PMEL: variants seen among roughly 807,000 people sequenced by gnomAD.
PMEL encodes the protein melanocyte protein PMEL.
In PMEL, 53 loss-of-function variants were observed where a neutral mutation model predicts 64.9. The ratio of observed to expected loss-of-function variants is 0.82; its 90% CI spans 0.66 to 1.03. The LOEUF is 1.03. Ranked by LOEUF, PMEL falls within the 50% of genes least tolerant of loss-of-function variation. The pLI, the probability that PMEL is intolerant of heterozygous loss-of-function variation, is 0.00. For missense variants in PMEL, 716 were observed against 814.9 expected (o/e 0.88, Z 1.48); for synonymous variants, 299 against 316.2 (o/e 0.95, Z 0.58).
chr12:55,954,428 A>G, intron 10 of PMEL, 79 bp from the exon 11 acceptor site: 2 of 1,455,080 alleles, frequency 1.4e-6, no homozygotes, highest in Non-Finnish European at 1.9e-6. Flanking sequence ...AAGGGAACAC[A>G]CCCATATCCC....
intron 1 of PMEL, 99 bp downstream of exon 1, chr12:55,965,837 G>T: frequency 6.9e-7 from 1 of 1,445,974 alleles, no homozygotes; most frequent in Non-Finnish European, 9.7e-7. Flanking sequence ...GGAGACGCCT[G>T]AAATATTGCC....
Position 55,962,669 on chromosome 12 carries a change from AC to A in PMEL, c.77-938del, listed in dbSNP as rs981955984. On this transcript the variant is annotated intron_variant, in intron 1 of 10. Coordinates refer to ENST00000548747, the MANE Select transcript of PMEL (RefSeq NM_001384361.1). ...CTCCCAAGTAGCTGGGACTACAGGC[AC>A]CCACCACCACACCCAACTAATTTTT... Among the ~76,000 whole-genome samples, 34 of 150,212 alleles carry A rather than the reference AC, an allele frequency of 2.3e-4. 1 individual carries two copies. Among genetic ancestry groups the A allele is most frequent in the Non-Finnish European group, 3.4e-4 (23 of 67,566 alleles).
At chr12:55,954,504 T>C (rs1252948541) in intron 10 of PMEL, among the ~76,000 whole-genome samples, 155 bp from the exon 11 acceptor site, 1 of 152,194 alleles carries the variant, frequency 6.6e-6, no homozygotes, top group Non-Finnish European at 1.5e-5. Context: ...CCCTCTCTTA[T>C]TTCTGTGGTA....
upstream of PMEL, chr12:55,966,493 G>T: frequency 4.4e-6 from 1 of 227,520 alleles, no homozygotes; most frequent in Non-Finnish European, 7.8e-6. Flanking sequence ...GGGCCAGGTG[G>T]AATTTAACCT....
chr12:55,961,324 G>A lies in PMEL; in HGVS notation c.327C>T (p.Ile109=), dbSNP rs1404361234. 2 of 1,613,606 alleles carry A rather than the reference G, an allele frequency of 1.2e-6. No homozygotes were observed. Among genetic ancestry groups the A allele is most frequent in the Non-Finnish European group, 1.7e-6 (2 of 1,179,520 alleles). Residue 109 remains isoleucine (I), a synonymous_variant, in exon 3 of 11, where the codon ATC becomes ATT. Coordinates refer to ENST00000548747, the MANE Select transcript of PMEL (RefSeq NM_001384361.1). ...GAATAGAGAAGTACTCACCATTGAT[G>A]ATGGTATTGTTGACCCAGATAACCT... ...DGQVIWVNNT[I]INGSQVWGGQ...
chr12:55,964,400 T>C (rs1365028084), intron 1 of PMEL, among the ~76,000 whole-genome samples: 1 of 151,834 alleles, frequency 6.6e-6, no homozygotes, highest in East Asian at 2.0e-4. Context: ...CTTCAGCTGA[T>C]CCACCTGCCT....
intron 6 of PMEL, 151 bp downstream of exon 6, chr12:55,956,798 A>C (rs1888899950): frequency 1.3e-6 from 1 of 754,764 alleles, no homozygotes; most frequent in East Asian, 2.6e-5. Context: ...ATTAAGAGAG[A>C]CTGGAGGGCT....
rs760692409 is a variant in PMEL at position 55,960,537 on chromosome 12, G to GTTTTTTTTT, written c.334+771_334+779dup. 4.8e-3 allele frequency among the ~76,000 whole-genome samples: 466 copies of GTTTTTTTTT among 97,280 alleles called. 29 individuals are homozygous for GTTTTTTTTT. The highest frequency in any genetic ancestry group is 0.02 in the African/African-American group (445 of 22,124). 63.8% of individuals were successfully genotyped at this position (97,280 alleles called of 152,430 possible). A position where few individuals can be genotyped will look rare whatever the true frequency, so the allele number is the denominator to read the frequency against. ...TAATTTTCTTTTCTTTTTGCTTTCT[G>GTTTTTTTTT]TTTTTTTTTTTTTTTTTTTTTTTGA... On this transcript the variant is annotated intron_variant, in intron 3 of 10. Coordinates refer to ENST00000548747, the MANE Select transcript of PMEL (RefSeq NM_001384361.1).
rs145525200 is a variant in PMEL at position 55,961,316 on chromosome 12, C to G, written c.334+1G>C. On this transcript the variant is annotated splice_donor_variant, in intron 3 of 10. Coordinates refer to ENST00000548747, the MANE Select transcript of PMEL (RefSeq NM_001384361.1). LOFTEE classifies it high-confidence loss of function. ...AGGACCTAGAATAGAGAAGTACTCA[C>G]CATTGATGATGGTATTGTTGACCCA... 8.1e-6 allele frequency: 13 copies of G among 1,613,936 alleles called. No individual in the cohort carries two copies. The African/African-American group carries it at 1.3e-4, about 17-fold the overall frequency.
In PMEL at chr12:55,957,635, C is replaced by G. The variant is rs142962639; in HGVS notation, c.668G>C (p.Arg223Pro). The G allele has an allele frequency of 1.2e-5, 20 of 1,612,234 alleles. No homozygotes were observed. The highest frequency in any genetic ancestry group is 1.6e-4 in the Middle Eastern group (1 of 6,080). ...VPFSVSVSQL[R>P]ALDGGNKHFL... ...GTGCTTGTTCCCTCCATCCAAGGCC[C>G]GCAACTGGGACACGCTCACGGAGAA... Residue 223 changes from arginine to proline, a missense_variant, in exon 6 of 11, where the codon CGG becomes CCG. Arg to Pro is a moderately radical substitution (Grantham distance 103, BLOSUM62 -2). Coordinates refer to ENST00000548747, the MANE Select transcript of PMEL (RefSeq NM_001384361.1).
chr12:55,966,540 TAGTG>T (rs1430332928), upstream of PMEL: 21 of 356,898 alleles, frequency 5.9e-5, no homozygotes, highest in Admixed American at 6.6e-4. Context: ...TTGGTGAAAA[TAGTG>T]AGTTAGAAAT....
chr12:55,959,844 T>C (rs1889032735), intron 3 of PMEL, among the ~76,000 whole-genome samples: 1 of 150,728 alleles, frequency 6.6e-6, no homozygotes. Flanking sequence ...CTAGATAGCA[T>C]TTATTTAGCC....
intron 7 of PMEL, 67 bp downstream of exon 7, chr12:55,956,036 C>T (rs965891328): frequency 8.3e-7 from 1 of 1,203,862 alleles, no homozygotes; most frequent in Non-Finnish European, 1.2e-6. Context: ...CCAAGGTGTG[C>T]TTCCACTGAC....
rs1888912065 is a variant in PMEL at position 55,957,078 on chromosome 12, C to G, written c.1225G>C (p.Val409Leu). ...GMTPAEVSIV[V>L]LSGTTAAQVT... The stretch of plus-strand genomic sequence containing the variant: ...TGTGCAGCTGTGGTTCCAGAAAGCA[C>G]CACAATTGATACCTCTGCAGGTGTC... The change falls in exon 6 of 11, where the codon GTG becomes CTG. Residue 409 changes from valine to leucine, a missense_variant. By Grantham distance (32) the Val-to-Leu change is conservative. Coordinates refer to ENST00000548747, the MANE Select transcript of PMEL (RefSeq NM_001384361.1). 1.2e-6 allele frequency: 2 copies of G among 1,614,222 alleles called. No individual in the cohort carries two copies.
rs776092862 is a variant in PMEL at position 55,966,026 on chromosome 12, C to A, written c.-15G>T. On this transcript the variant is annotated 5_prime_UTR_variant, in exon 1 of 11. Transcript: ENST00000548747. The stretch of plus-strand genomic sequence containing the variant: ...ACCAGATCCATTGTGTTCTTCCCTC[C>A]AGCAACCAAAGGCACTGGGGGGACT... 2.5e-6 allele frequency: 4 copies of A among 1,614,206 alleles called. No individual in the cohort carries two copies. Among genetic ancestry groups the A allele is most frequent in the Non-Finnish European group, 3.4e-6 (4 of 1,180,032 alleles).
chr12:55,956,256 C>G (rs761428902), intron 6 of PMEL, 37 bp from the exon 7 acceptor site: 3 of 1,349,632 alleles, frequency 2.2e-6, no homozygotes, highest in African/African-American at 2.9e-5. Context: ...GATCAAGAGA[C>G]AGATGACTCA....
At chr12:55,960,280 C>T (rs1305927665) in intron 3 of PMEL, among the ~76,000 whole-genome samples, 1 of 150,232 alleles carries the variant, frequency 6.7e-6, no homozygotes, top group Non-Finnish European at 1.5e-5. Context: ...AAACAAGTAA[C>T]TTGCCCAAGG....
At chr12:55,966,689 T>C, upstream of PMEL, 2 of 1,090,478 alleles carry the variant, frequency 1.8e-6, no homozygotes, top group Non-Finnish European at 2.2e-6. Flanking sequence ...TGGGGCGGGA[T>C]CATTTGCGGG....
At chr12:55,966,064 T>A (rs1889289879), upstream of PMEL, 5 of 1,613,566 alleles carry the variant, frequency 3.1e-6, no homozygotes. Flanking sequence ...GATAGGCCCC[T>A]ATATAAGAAA....
Sources: allele counts gnomAD v4.1 joint callset (sites outside exome capture counted in the v4.1 genomes callset), GRCh38; gene constraint gnomAD v4.1.1; transcripts MANE v1.5; gene names NCBI Gene and HGNC (gene_info 2026-07-23, HGNC 2026-07-21).